The following NFASC variants were observed in gnomAD, a reference collection of about 807,000 sequenced individuals.
NFASC encodes neurofascin.
NFASC carries 43 observed loss-of-function variants against 147.5 expected under a neutral mutation model. The ratio of observed to expected loss-of-function variants is 0.29; its 90% CI spans 0.23 to 0.38. The LOEUF (loss-of-function observed/expected upper bound fraction) is 0.38, where lower values mean the gene tolerates loss of function less well. NFASC is among the 10% of genes least tolerant of loss of function. NFASC has a pLI of 1.00. For synonymous variants in NFASC, 622 were observed against 665.5 expected (o/e 0.93, Z 1.01); for missense variants, 1,320 against 1,689.0 (o/e 0.78, Z 3.83).
chr1:204,919,828 A>G (rs1031692233), intron 1 of NFASC, among the ~76,000 whole-genome samples: 17 of 152,322 alleles, frequency 1.1e-4, no homozygotes, highest in Admixed American at 1.0e-3. Flanking sequence ...CATGTTGGCC[A>G]TGCTGATCTC....
intron 1 of NFASC, among the ~76,000 whole-genome samples, chr1:204,908,104 C>G (rs1210933701): frequency 6.6e-6 from 1 of 152,144 alleles, no homozygotes; most frequent in Admixed American, 6.6e-5. Context: ...GCTTCAGCCT[C>G]CCAAGCAGCT....
At chr1:205,013,968 A>G (rs1251800121) in intron 29 of NFASC, among the ~76,000 whole-genome samples, 2 of 152,142 alleles carry the variant, frequency 1.3e-5, no homozygotes, top group African/African-American at 2.4e-5. Flanking sequence ...AGCATCCTGA[A>G]AGGGCAGGCA....
intron 2 of NFASC, chr1:204,929,335 C>G (rs1478758980): frequency 6.6e-6 from 1 of 152,428 alleles, no homozygotes; most frequent in East Asian, 1.9e-4. Flanking sequence ...CCACCCCCAT[C>G]CAACCCTGAG....
At chr1:204,883,814 G>A (rs917067170) in intron 1 of NFASC, among the ~76,000 whole-genome samples, 1 of 152,162 alleles carries the variant, frequency 6.6e-6, no homozygotes, top group African/African-American at 2.4e-5. Flanking sequence ...CCACTGGAAG[G>A]CCCTTTACAA....
At chr1:204,859,644 C>T (rs1460495739) in intron 1 of NFASC, among the ~76,000 whole-genome samples, 3 of 152,312 alleles carry the variant, frequency 2.0e-5, no homozygotes, top group East Asian at 1.9e-4. Flanking sequence ...TCTTGGGTCC[C>T]GCAGCTGCAC....
chr1:204,832,767 A>G (rs550102555), intron 1 of NFASC, among the ~76,000 whole-genome samples: 1 of 152,376 alleles, frequency 6.6e-6, no homozygotes, highest in South Asian at 2.1e-4. Flanking sequence ...ACTCAGCACA[A>G]GAACTGCTAT....
chr1:204,898,599 C>A (rs529752919), intron 1 of NFASC, among the ~76,000 whole-genome samples: 1 of 152,210 alleles, frequency 6.6e-6, no homozygotes, highest in Non-Finnish European at 1.5e-5. Context: ...TTCTCTAGGG[C>A]TGCTGGGCTG....
intron 8 of NFASC, among the ~76,000 whole-genome samples, chr1:204,964,130 G>A (rs921910164): frequency 3.9e-5 from 6 of 152,102 alleles, no homozygotes; most frequent in African/African-American, 7.2e-5. Flanking sequence ...TCCAGGGTCC[G>A]GGACATACCA....
intron 1 of NFASC, among the ~76,000 whole-genome samples, chr1:204,856,902 G>T (rs2076204385): frequency 6.6e-6 from 1 of 152,158 alleles, no homozygotes; most frequent in South Asian, 2.1e-4. Flanking sequence ...GTATATACCA[G>T]AATTTGTTTC....
intron 25 of NFASC, chr1:204,999,026 C>T (rs1030100826): frequency 3.9e-5 from 6 of 152,224 alleles, no homozygotes; most frequent in African/African-American, 9.7e-5. Flanking sequence ...GAATGTTCAC[C>T]TTTATCGTGC....
intron 20 of NFASC, 146 bp from the exon 21 acceptor site, chr1:204,981,652 G>A (rs1206223079): frequency 1.0e-5 from 5 of 486,670 alleles, no homozygotes; most frequent in African/African-American, 4.0e-5. Context: ...TGGGGTGGGG[G>A]ATATGGTCTT....
At chr1:204,973,464 T>C (rs2095316078) in intron 12 of NFASC, 45 bp downstream of exon 12, 1 of 1,607,406 alleles carries the variant, frequency 6.2e-7, no homozygotes, top group Non-Finnish European at 8.5e-7. Context: ...TCTCCACTAC[T>C]GCACAGTCGC....
intron 21 of NFASC, 36 bp downstream of exon 21, chr1:204,982,056 C>T (rs2095518658): frequency 7.1e-7 from 1 of 1,410,934 alleles, no homozygotes; most frequent in Admixed American, 2.5e-5. Flanking sequence ...CATCAGGACC[C>T]TTGTGGCTAG....
At chr1:204,960,535 C>T (rs972242446) in intron 8 of NFASC, among the ~76,000 whole-genome samples, 1 of 152,206 alleles carries the variant, frequency 6.6e-6, no homozygotes, top group Non-Finnish European at 1.5e-5. Flanking sequence ...AAGAAGTTTC[C>T]GTGAATTTCT....
rs2094301216 is a variant in NFASC at position 204,954,126 on chromosome 1, CT to C, written c.216-61del. 1.3e-6 allele frequency: 2 copies of C among 1,488,852 alleles called. No individual in the cohort carries two copies. The highest frequency in any genetic ancestry group is 9.4e-7 in the Non-Finnish European group (1 of 1,069,344). 92.2% of individuals were successfully genotyped at this position (1,488,852 alleles called of 1,614,324 possible). A position where few individuals can be genotyped will look rare whatever the true frequency, so the allele number is the denominator to read the frequency against. On this transcript the variant is annotated intron_variant, in intron 5 of 29. Coordinates refer to ENST00000339876, the MANE Select transcript of NFASC (RefSeq NM_001005388.3). This position sits in a 1 kb window ranked among gnomAD's most constrained non-coding sequence, Gnocchi z 5.7. ...GAGCCAGGGACTAGGGATCTGAGAT[CT>C]GCCTGGAGCCCAGAGCCCACCCCAT...
At chr1:204,845,280 GTC>G (rs1278279414) in intron 1 of NFASC, among the ~76,000 whole-genome samples, 1 of 140,518 alleles carries the variant, frequency 7.1e-6, no homozygotes, top group Non-Finnish European at 1.5e-5. Flanking sequence ...GTAAAACCCT[GTC>G]TCTACTAAAA....
intron 1 of NFASC, among the ~76,000 whole-genome samples, chr1:204,842,260 G>C (rs1056008911): frequency 1.3e-5 from 2 of 152,070 alleles, no homozygotes; most frequent in African/African-American, 4.8e-5. Flanking sequence ...TTCTAATTTG[G>C]CTGATTCTTC....
At chr1:204,974,338 A>C in intron 13 of NFASC, 48 bp downstream of exon 13, 13 of 1,415,720 alleles carry the variant, frequency 9.2e-6, no homozygotes, top group Non-Finnish European at 1.2e-5. Context: ...CACCTGTCTC[A>C]TCTTCTCCTT....
chr1:204,897,068 C>T (rs1329808175), intron 1 of NFASC, among the ~76,000 whole-genome samples: 1 of 151,758 alleles, frequency 6.6e-6, no homozygotes, highest in African/African-American at 2.4e-5. Flanking sequence ...TTCCCCCCGA[C>T]CCAGACATGC....
Sources: gnomAD v4.1 joint callset for allele counts (sites outside exome capture counted in the v4.1 genomes callset) on GRCh38, gnomAD v4.1.1 for gene constraint, Gnocchi (gnomAD v3.1) non-coding constraint, MANE v1.5 for transcripts, NCBI Gene and HGNC (gene_info 2026-07-23, HGNC 2026-07-21) for gene names.